RSRC1: variants seen among roughly 807,000 people sequenced by gnomAD.
The protein encoded by RSRC1 is serine/Arginine-related protein 53.
In RSRC1, 39 loss-of-function variants were observed where a neutral mutation model predicts 49.1. The observed-to-expected ratio is 0.79, with a 90% CI of 0.61 to 1.04. The LOEUF (loss-of-function observed/expected upper bound fraction) is 1.04, where lower values mean the gene tolerates loss of function less well. Among genes scored for constraint, RSRC1 ranks in the 50% least tolerant of loss-of-function variants. The pLI, the probability that RSRC1 is intolerant of heterozygous loss-of-function variation, is 0.00. For missense variants in RSRC1, 388 were observed against 402.4 expected (o/e 0.96, Z 0.31); for synonymous variants, 143 against 130.8 (o/e 1.09, Z -0.63).
At chr3:158,540,195 G>A (rs1369679820) in intron 8 of RSRC1, among the ~76,000 whole-genome samples, 1 of 152,044 alleles carries the variant, frequency 6.6e-6, no homozygotes, top group East Asian at 1.9e-4. Context: ...ATCACTTAGG[G>A]CCACAAACCA....
intron 1 of RSRC1, among the ~76,000 whole-genome samples, chr3:158,119,693 T>C (rs1356752093): frequency 1.4e-5 from 2 of 142,842 alleles, no homozygotes; most frequent in African/African-American, 2.6e-5. Flanking sequence ...ATATATTTTA[T>C]GTATAAATGG....
intron 6 of RSRC1, among the ~76,000 whole-genome samples, chr3:158,459,391 G>A (rs1480748507): frequency 1.3e-5 from 2 of 152,074 alleles, no homozygotes; most frequent in Admixed American, 6.6e-5. Context: ...ATCTTACGTT[G>A]TTAATGGAGG....
rs1307315592 is a variant in RSRC1 at position 158,460,911 on chromosome 3, A to G, written c.584-24A>G. ...TGAATATAGGCATAAAATAAGTACAAAAATTGTATTGTTTTTGTTTCAGCA... is the reference window on the plus strand; with the variant it reads ...TGAATATAGGCATAAAATAAGTACAGAAATTGTATTGTTTTTGTTTCAGCA... On this transcript the variant is annotated intron_variant, in intron 6 of 9. Transcript: ENST00000611884. 1.9e-6 allele frequency: 3 copies of G among 1,541,174 alleles called. No individual in the cohort carries two copies. The East Asian group carries it at 7.1e-5, about 36-fold the overall frequency.
intron 6 of RSRC1, among the ~76,000 whole-genome samples, chr3:158,361,110 G>A (rs1008653387): frequency 1.3e-5 from 2 of 152,154 alleles, no homozygotes; most frequent in African/African-American, 4.8e-5. Flanking sequence ...GGTGCCTAGG[G>A]CACCTCTCGG....
intron 6 of RSRC1, among the ~76,000 whole-genome samples, chr3:158,440,043 T>C (rs1736295436): frequency 6.6e-6 from 1 of 151,898 alleles, no homozygotes; most frequent in Admixed American, 6.6e-5. Flanking sequence ...GGATGATGGG[T>C]TGATAGGTGC....
intron 7 of RSRC1, among the ~76,000 whole-genome samples, chr3:158,466,548 A>G (rs565760749): frequency 6.6e-6 from 1 of 152,330 alleles, no homozygotes; most frequent in East Asian, 1.9e-4. Flanking sequence ...AGAGTAACTT[A>G]GAGAAGCTAG....
At chr3:158,286,632 C>T (rs1383633854) in intron 4 of RSRC1, among the ~76,000 whole-genome samples, 1 of 152,162 alleles carries the variant, frequency 6.6e-6, no homozygotes, top group Non-Finnish European at 1.5e-5. Context: ...CAAGGAAAGA[C>T]TTCATTATTA....
chr3:158,433,539 A>G lies in RSRC1; in HGVS notation c.584-27396A>G, dbSNP rs546945027. On this transcript the variant is annotated intron_variant, in intron 6 of 9. Transcript: ENST00000611884. ...CCAAAGGCTACTGCTCTCAAACTCC[A>G]GCCACCTCAGACCCTGCCTGGTTGT... Among the ~76,000 whole-genome samples the G allele has an allele frequency of 2.8e-4, 42 of 152,088 alleles. No individual in the cohort carries two copies. In the South Asian group the frequency reaches 3.9e-3, roughly 14 times the overall value.
chr3:158,445,502 C>G (rs959901344), intron 6 of RSRC1, among the ~76,000 whole-genome samples: 3 of 151,310 alleles, frequency 2.0e-5, no homozygotes, highest in Admixed American at 2.0e-4. Flanking sequence ...CGGGGCATGT[C>G]GTGGGGTGGG....
chr3:158,214,842 G>C (rs1190617161), intron 4 of RSRC1, among the ~76,000 whole-genome samples: 2 of 151,622 alleles, frequency 1.3e-5, no homozygotes, highest in African/African-American at 2.4e-5. Context: ...TATGAATTAG[G>C]ATATGGTCTG....
At chr3:158,187,630 GA>G (rs1720002916) in intron 3 of RSRC1, among the ~76,000 whole-genome samples, 2 of 152,142 alleles carry the variant, frequency 1.3e-5, no homozygotes, top group African/African-American at 4.8e-5. Flanking sequence ...CTCTGGTAAG[GA>G]CAGTCGATCC....
intron 6 of RSRC1, among the ~76,000 whole-genome samples, chr3:158,431,536 C>T (rs993382334): frequency 6.6e-6 from 1 of 151,606 alleles, no homozygotes; most frequent in African/African-American, 2.4e-5. Flanking sequence ...ATAATGAAGA[C>T]GTGTAGTACT....
intron 6 of RSRC1, among the ~76,000 whole-genome samples, chr3:158,389,123 ATGTTGC>A (rs1443923071): frequency 6.6e-6 from 1 of 152,196 alleles, no homozygotes; most frequent in Admixed American, 6.5e-5. Flanking sequence ...TCAAAGGATG[ATGTTGC>A]CCCCTTCCCT....
intron 4 of RSRC1, among the ~76,000 whole-genome samples, chr3:158,229,338 A>G (rs1483965712): frequency 7.0e-6 from 1 of 142,336 alleles, no homozygotes; most frequent in Non-Finnish European, 1.5e-5. Context: ...GTATATGTGT[A>G]TGTATGTATA....
chr3:158,236,900 G>C (rs1440071989), intron 4 of RSRC1, among the ~76,000 whole-genome samples: 1 of 152,164 alleles, frequency 6.6e-6, no homozygotes, highest in Non-Finnish European at 1.5e-5. Context: ...GTTACGGGGA[G>C]CTGCCAGTCT....
At chr3:158,276,649 G>A (rs1001789946) in intron 4 of RSRC1, among the ~76,000 whole-genome samples, 1 of 151,228 alleles carries the variant, frequency 6.6e-6, no homozygotes, top group African/African-American at 2.4e-5. Flanking sequence ...TTAGTTTTTC[G>A]ACCAGTATTT....
At chr3:158,425,511 A>G (rs1469426476) in intron 6 of RSRC1, among the ~76,000 whole-genome samples, 1 of 151,946 alleles carries the variant, frequency 6.6e-6, no homozygotes, top group Non-Finnish European at 1.5e-5. Flanking sequence ...TATGTGTTCA[A>G]TTTTGGAATA....
chr3:158,118,320 AT>A (rs1385243203), intron 1 of RSRC1, among the ~76,000 whole-genome samples: 3 of 151,694 alleles, frequency 2.0e-5, no homozygotes, highest in African/African-American at 7.3e-5. Flanking sequence ...GTGCAGTCAT[AT>A]CTTTTGGACT....
intron 4 of RSRC1, among the ~76,000 whole-genome samples, chr3:158,211,935 C>T (rs529937131): frequency 2.6e-5 from 4 of 151,948 alleles, no homozygotes; most frequent in South Asian, 4.1e-4. Context: ...GTTGTTCCTT[C>T]AGTCTGAAAT....
Sources: allele counts gnomAD v4.1 joint callset (sites outside exome capture counted in the v4.1 genomes callset), GRCh38; gene constraint gnomAD v4.1.1; transcripts MANE v1.5; gene names NCBI Gene and HGNC (gene_info 2026-07-23, HGNC 2026-07-21).